SOX6: variants seen among roughly 807,000 people sequenced by gnomAD.
SOX6 encodes the protein transcription factor SOX-6.
SOX6 carries 11 observed loss-of-function variants against 97.8 expected under a neutral mutation model. That is an observed-to-expected ratio of 0.11 (90% confidence interval 0.07 to 0.19). SOX6 has a LOEUF of 0.19. SOX6 is among the 10% of genes least tolerant of loss of function. The pLI is 1.00. For missense variants in SOX6, 810 were observed against 1,039.5 expected, an observed-to-expected ratio of 0.78 and a Z score of 3.04; for synonymous variants, 360 against 371.4, an observed-to-expected ratio of 0.97 and a Z score of 0.35.
intron 9 of SOX6, among the ~76,000 whole-genome samples, chr11:16,075,996 T>TG (rs1354871923): frequency 1.3e-5 from 2 of 152,072 alleles, no homozygotes; most frequent in Non-Finnish European, 2.9e-5. Flanking sequence ...GTGGGGATTA[T>TG]GGGGGCTACA....
At chr11:16,390,165 C>G (rs187925526) in intron 1 of SOX6, among the ~76,000 whole-genome samples, 1 of 151,446 alleles carries the variant, frequency 6.6e-6, no homozygotes, top group Non-Finnish European at 1.5e-5. Context: ...GTTGGGGTTC[C>G]CTTTCTGTGG....
intron 6 of SOX6, among the ~76,000 whole-genome samples, chr11:16,142,987 G>A (rs1156858418): frequency 6.6e-6 from 1 of 152,004 alleles, no homozygotes; most frequent in Non-Finnish European, 1.5e-5. Flanking sequence ...TTCAAATTCA[G>A]GAAATACAGA....
At chr11:16,366,889 T>C (rs1382308547) in intron 1 of SOX6, among the ~76,000 whole-genome samples, 1 of 152,160 alleles carries the variant, frequency 6.6e-6, no homozygotes, top group Non-Finnish European at 1.5e-5. Flanking sequence ...CAAGCCTTCA[T>C]CGAAGTGAAT....
chr11:16,256,525 T>G (rs967635296), intron 3 of SOX6, among the ~76,000 whole-genome samples: 10 of 151,880 alleles, frequency 6.6e-5, no homozygotes, highest in Non-Finnish European at 3.0e-5. Flanking sequence ...AAAAGAACTC[T>G]CAGCAAGCTA....
chr11:16,573,783 G>C (rs1006864545), intron 4 of SOX6, among the ~76,000 whole-genome samples: 1 of 152,034 alleles, frequency 6.6e-6, no homozygotes, highest in African/African-American at 2.4e-5. Context: ...ATTAATATTT[G>C]ACCAAATGTC....
intron 1 of SOX6, among the ~76,000 whole-genome samples, chr11:16,344,361 T>A (rs1856721079): frequency 6.6e-6 from 1 of 151,990 alleles, no homozygotes; most frequent in South Asian, 2.1e-4. Flanking sequence ...TTAGATCTGA[T>A]TCACTGATTT....
At chr11:16,289,751 T>A (rs889059666) in intron 3 of SOX6, among the ~76,000 whole-genome samples, 1 of 151,884 alleles carries the variant, frequency 6.6e-6, no homozygotes, top group Non-Finnish European at 1.5e-5. Flanking sequence ...TAAATCTCTG[T>A]AAGGAATAAA....
chr11:16,596,440 G>C (rs542091049), intron 4 of SOX6, among the ~76,000 whole-genome samples: 1 of 152,090 alleles, frequency 6.6e-6, no homozygotes, highest in Non-Finnish European at 1.5e-5. Flanking sequence ...AAACATGTAC[G>C]AGACATTTCA....
chr11:16,373,072 T>C (rs946586681), intron 1 of SOX6, among the ~76,000 whole-genome samples: 11 of 152,072 alleles, frequency 7.2e-5, no homozygotes, highest in African/African-American at 1.4e-4. Context: ...AAATTGGCAT[T>C]GTACAGAATG....
At position 16,402,563 on chromosome 11, in the gene SOX6, A is replaced by G. The variant is rs1053526038; in HGVS notation, c.-4-61311T>C. On this transcript the variant is annotated intron_variant, in intron 1 of 15. Coordinates refer to the SOX6 transcript ENST00000396356. Reference sequence around the variant, plus strand: ...AGCAAACCACCCAAAGCACACTGGAATCTCAGAGATGGTGACAAAGAAATA... The same window carrying G: ...AGCAAACCACCCAAAGCACACTGGAGTCTCAGAGATGGTGACAAAGAAATA... 3.2e-6 allele frequency: 4 copies of G among 1,250,726 alleles called. No individual in the cohort carries two copies. The African/African-American group carries it at 5.9e-5, about 19-fold the overall frequency. 77.5% of individuals were successfully genotyped at this position (1,250,726 alleles called of 1,614,324 possible).
intron 3 of SOX6, among the ~76,000 whole-genome samples, chr11:16,668,424 G>A (rs894809961): frequency 3.3e-5 from 5 of 151,880 alleles, no homozygotes; most frequent in African/African-American, 1.2e-4. Flanking sequence ...TAAAAAGCAA[G>A]AAATTAAAAA....
intron 3 of SOX6, among the ~76,000 whole-genome samples, chr11:16,309,508 A>C (rs1298338127): frequency 1.3e-5 from 2 of 152,186 alleles, no homozygotes; most frequent in African/African-American, 4.8e-5. Flanking sequence ...AAAACAAAAA[A>C]GGCAGATAAT....
At chr11:16,373,449 G>C (rs1857546370) in intron 1 of SOX6, among the ~76,000 whole-genome samples, 1 of 151,704 alleles carries the variant, frequency 6.6e-6, no homozygotes, top group African/African-American at 2.4e-5. Context: ...TCCTTCTTGG[G>C]GTTACTCTTT....
At chr11:16,005,193 A>G (rs1854510401) in intron 13 of SOX6, among the ~76,000 whole-genome samples, 1 of 152,040 alleles carries the variant, frequency 6.6e-6, no homozygotes, top group Non-Finnish European at 1.5e-5. Flanking sequence ...AAATAAACCC[A>G]TAAGTTAACT....
intron 4 of SOX6, among the ~76,000 whole-genome samples, chr11:16,190,541 T>G (rs1298092229): frequency 6.6e-6 from 1 of 152,206 alleles, no homozygotes; most frequent in African/African-American, 2.4e-5. Context: ...AGAATGTGCA[T>G]GGGTTATATG....
intron 1 of SOX6, among the ~76,000 whole-genome samples, chr11:16,410,346 G>T (rs1293870284): frequency 1.3e-5 from 2 of 151,888 alleles, no homozygotes; most frequent in Non-Finnish European, 2.9e-5. Context: ...GTTTGTGTAG[G>T]TCATGACAGG....
chr11:16,428,082 G>A (rs1859188781), intron 1 of SOX6, among the ~76,000 whole-genome samples: 1 of 152,228 alleles, frequency 6.6e-6, no homozygotes, highest in Non-Finnish European at 1.5e-5. Flanking sequence ...GACGGCCAGT[G>A]ATGATGAGCA....
At chr11:16,379,131 T>C (rs2134406163) in intron 1 of SOX6, among the ~76,000 whole-genome samples, 1 of 152,232 alleles carries the variant, frequency 6.6e-6, no homozygotes, top group Middle Eastern at 3.4e-3. Context: ...CCAAAATCTA[T>C]ACTACCTCTC....
At chr11:16,041,589 G>T (rs1010542102) in intron 12 of SOX6, among the ~76,000 whole-genome samples, 2 of 152,062 alleles carry the variant, frequency 1.3e-5, no homozygotes, top group African/African-American at 4.8e-5. Context: ...TATCATTTGG[G>T]TATAAGAAAT....
Sources: gnomAD v4.1 joint callset for allele counts (sites outside exome capture counted in the v4.1 genomes callset) on GRCh38, gnomAD v4.1.1 for gene constraint, MANE v1.5 for transcripts, NCBI Gene and HGNC (gene_info 2026-07-23, HGNC 2026-07-21) for gene names.